Variants in PHF21A observed in about 807,000 individuals in gnomAD.
PHF21A encodes the protein PHD finger protein 21A, also known as BHC80a.
PHF21A carries 11 observed loss-of-function variants against 82.5 expected under a neutral mutation model. The observed-to-expected ratio is 0.13, with a 90% confidence interval of 0.08 to 0.22. PHF21A has a LOEUF of 0.22. Among genes scored for constraint, PHF21A ranks in the 10% least tolerant of loss-of-function variants. PHF21A has a pLI of 1.00. For missense variants in PHF21A, 579 were observed against 837.8 expected, an observed-to-expected ratio of 0.69 and a Z score of 3.81; for synonymous variants, 297 against 302.8, an observed-to-expected ratio of 0.98 and a Z score of 0.20.
At position 45,941,942 on chromosome 11, in the gene PHF21A, T is replaced by C. The variant is rs570534639; in HGVS notation, c.1453-3630A>G. On this transcript the variant is annotated intron_variant, in intron 15 of 18. Coordinates refer to ENST00000676320, the MANE Select transcript of PHF21A (RefSeq NM_001352027.3). ...ACGGTACATCCAGAGGATTAGTGTCTGGTAGGTTTTGTATTATACCAAGTC... is the reference window on the plus strand; with the variant it reads ...ACGGTACATCCAGAGGATTAGTGTCCGGTAGGTTTTGTATTATACCAAGTC... Among the ~76,000 whole-genome samples the C allele has an allele frequency of 2.6e-5, 4 of 152,352 alleles. No homozygotes were observed. In the South Asian group the frequency reaches 6.2e-4, roughly 24 times the overall value.
chr11:46,051,849 G>C (rs1445024550), intron 6 of PHF21A, among the ~76,000 whole-genome samples: 3 of 152,038 alleles, frequency 2.0e-5, no homozygotes, highest in Admixed American at 1.3e-4. Flanking sequence ...AGATAAACTG[G>C]GACAAAAATT....
intron 6 of PHF21A, among the ~76,000 whole-genome samples, chr11:46,073,371 T>C (rs2096679455): frequency 6.6e-6 from 1 of 151,782 alleles, no homozygotes; most frequent in Non-Finnish European, 1.5e-5. Context: ...GAGTGGTTCA[T>C]ATATTTAATA....
chr11:45,990,410 C>T (rs1591670127), intron 6 of PHF21A, among the ~76,000 whole-genome samples: 1 of 151,818 alleles, frequency 6.6e-6, no homozygotes, highest in Non-Finnish European at 1.5e-5. Context: ...ACGAATGCAC[C>T]ACCACGCCCG....
At chr11:46,092,800 C>T (rs977787249) in intron 1 of PHF21A, among the ~76,000 whole-genome samples, 1 of 134,624 alleles carries the variant, frequency 7.4e-6, no homozygotes. Context: ...CTCTGTTGTC[C>T]AGGCTCAAGT....
intron 6 of PHF21A, among the ~76,000 whole-genome samples, chr11:45,981,945 T>C (rs1182785037): frequency 7.4e-6 from 1 of 135,962 alleles, no homozygotes; most frequent in African/African-American, 2.9e-5. Flanking sequence ...TTTTTCTTTT[T>C]TTTTTTTTTT....
At chr11:45,958,419 AATATATAT>A (rs71308367) in intron 10 of PHF21A, among the ~76,000 whole-genome samples, 33 of 25,016 alleles carry the variant, frequency 1.3e-3, no homozygotes, top group African/African-American at 1.7e-3. Context: ...AAAAAAAAAA[AATATATAT>A]ATATATATAT....
chr11:45,975,305 C>G (rs1033500856), intron 7 of PHF21A, among the ~76,000 whole-genome samples: 1 of 139,614 alleles, frequency 7.2e-6, no homozygotes, highest in East Asian at 2.0e-4. Context: ...CACAGTGAGA[C>G]CCTGTCTCAA....
chr11:46,087,843 C>G (rs2096874885), intron 3 of PHF21A, among the ~76,000 whole-genome samples: 1 of 152,196 alleles, frequency 6.6e-6, no homozygotes, highest in Non-Finnish European at 1.5e-5. Context: ...GCAGCCTCAA[C>G]TTGCTGGGCT....
At chr11:46,055,868 G>A (rs1042869368) in intron 6 of PHF21A, among the ~76,000 whole-genome samples, 2 of 152,116 alleles carry the variant, frequency 1.3e-5, no homozygotes, top group Non-Finnish European at 2.9e-5. Context: ...AAAGGATATG[G>A]CAAATTGAAT....
At chr11:46,016,971 A>AT (rs58460605) in intron 6 of PHF21A, among the ~76,000 whole-genome samples, 18,027 of 147,942 alleles carry the variant, frequency 0.12, 1,278 homozygotes, top group African/African-American at 0.22. Flanking sequence ...TTTAACCTGG[A>AT]TTTTTTTTTT....
chr11:46,029,269 G>T (rs983908168), intron 6 of PHF21A, among the ~76,000 whole-genome samples: 40 of 152,146 alleles, frequency 2.6e-4, no homozygotes, highest in Admixed American at 1.3e-3. Context: ...AATACTTGTT[G>T]AATTTTTCCT....
At chr11:46,119,272 T>C (rs1253880972) in intron 1 of PHF21A, among the ~76,000 whole-genome samples, 1 of 152,194 alleles carries the variant, frequency 6.6e-6, no homozygotes, top group East Asian at 1.9e-4. Context: ...TCCCCAGCTA[T>C]GGGGCAAATC....
At chr11:45,957,745 T>A (rs1351905080) in intron 10 of PHF21A, among the ~76,000 whole-genome samples, 4 of 36,482 alleles carry the variant, frequency 1.1e-4, no homozygotes, top group Non-Finnish European at 1.3e-4. Context: ...AGAACTAAAT[T>A]CAAAGCAAAA....
At chr11:45,980,712 C>T (rs148516001) in intron 6 of PHF21A, among the ~76,000 whole-genome samples, 60 of 152,262 alleles carry the variant, frequency 3.9e-4, no homozygotes, top group African/African-American at 1.3e-3. Flanking sequence ...CAGATACTAG[C>T]CATAGTAATT....
intron 7 of PHF21A, among the ~76,000 whole-genome samples, chr11:45,973,546 CG>C (rs2093879952): frequency 6.6e-6 from 1 of 152,118 alleles, no homozygotes; most frequent in Non-Finnish European, 1.5e-5. Flanking sequence ...AGAGTAAACG[CG>C]GAACACTGAT....
chr11:46,082,077 T>G (rs1007117896), intron 4 of PHF21A, among the ~76,000 whole-genome samples: 1 of 152,210 alleles, frequency 6.6e-6, no homozygotes, highest in Non-Finnish European at 1.5e-5. Context: ...AAAGATGAGA[T>G]GTCCATCACA....
intron 6 of PHF21A, among the ~76,000 whole-genome samples, chr11:46,057,675 A>G (rs570776747): frequency 6.6e-6 from 1 of 152,308 alleles, no homozygotes; most frequent in Non-Finnish European, 1.5e-5. Flanking sequence ...TCACAAGTGC[A>G]AAAGGTACTA....
chr11:45,934,069 C>A lies in PHF21A; in HGVS notation c.1945G>T (p.Asp649Tyr). 6 of 1,613,978 alleles carry A rather than the reference C, an allele frequency of 3.7e-6. No individual in the cohort carries two copies. The highest frequency in any genetic ancestry group is 3.4e-6 in the Non-Finnish European group (4 of 1,179,944). ...GCGGCATTGGCAGGGGGGGTGCAGT[C>A]CGGGCCATTGGAGATGGCCCCCACA... is the stretch of plus-strand genomic sequence containing the variant. ...ATVGAISNGP[D>Y]CTPPANAATS... The change falls in exon 19 of 19, where the codon GAC becomes TAC. Residue 649 changes from aspartate (D) to tyrosine (Y), a missense_variant. Physicochemically the swap from Asp to Tyr is radical, Grantham distance 160. Transcript: ENST00000676320.
intron 6 of PHF21A, among the ~76,000 whole-genome samples, chr11:46,062,812 A>C (rs544756769): frequency 6.6e-6 from 1 of 152,324 alleles, no homozygotes; most frequent in Admixed American, 6.5e-5. Context: ...AGACATACTA[A>C]GGCATTTACT....
Sources: allele counts gnomAD v4.1 joint callset (sites outside exome capture counted in the v4.1 genomes callset), GRCh38; gene constraint gnomAD v4.1.1; transcripts MANE v1.5; gene names NCBI Gene and HGNC (gene_info 2026-07-23, HGNC 2026-07-21).